FGF14: variants seen among roughly 807,000 people sequenced by gnomAD.
FGF14 encodes the protein fibroblast growth factor 14.
In FGF14, 5 loss-of-function variants were observed where a neutral mutation model predicts 25.5. That is an observed-to-expected ratio of 0.20 (90% CI 0.10 to 0.41). The LOEUF (loss-of-function observed/expected upper bound fraction) is 0.41, where lower values mean the gene tolerates loss of function less well. Ranked by LOEUF, FGF14 falls within the 10% of genes least tolerant of loss-of-function variation. The probability of loss-of-function intolerance (pLI) is 1.00; values close to 1 mark genes in which losing one functional copy is unlikely to be tolerated. For missense variants in FGF14, 222 were observed against 320.1 expected (o/e 0.69, Z 2.34); for synonymous variants, 138 against 118.3 (o/e 1.17, Z -1.08).
intron 1 of FGF14, among the ~76,000 whole-genome samples, chr13:102,254,601 T>C (rs1407360137): frequency 6.6e-6 from 1 of 152,198 alleles, no homozygotes; most frequent in African/African-American, 2.4e-5. Context: ...GTCCTCGTCG[T>C]TGGTACAGAT....
chr13:101,820,358 T>A (rs2042051618), intron 3 of FGF14, among the ~76,000 whole-genome samples: 1 of 152,112 alleles, frequency 6.6e-6, no homozygotes, highest in Non-Finnish European at 1.5e-5. Flanking sequence ...CAATTAAGAA[T>A]CATGGAAAAC....
At chr13:102,217,306 T>C (rs1270514761) in intron 1 of FGF14, among the ~76,000 whole-genome samples, 1 of 152,128 alleles carries the variant, frequency 6.6e-6, no homozygotes, top group African/African-American at 2.4e-5. Flanking sequence ...AGTAAAAAAA[T>C]AAACTACATG....
At chr13:101,806,576 GA>G (rs1276023735) in intron 3 of FGF14, among the ~76,000 whole-genome samples, 1 of 151,654 alleles carries the variant, frequency 6.6e-6, no homozygotes, top group East Asian at 1.9e-4. Flanking sequence ...ATAAATGTAA[GA>G]GTCAATGACA....
chr13:102,322,103 A>G (rs148975317), intron 1 of FGF14, among the ~76,000 whole-genome samples: 1 of 152,310 alleles, frequency 6.6e-6, no homozygotes, highest in Admixed American at 6.5e-5. Flanking sequence ...TGAAAAACTA[A>G]TGGGCTGGAG....
chr13:101,906,118 C>T (rs550375175), intron 1 of FGF14, among the ~76,000 whole-genome samples: 2 of 152,252 alleles, frequency 1.3e-5, no homozygotes, highest in South Asian at 4.2e-4. Context: ...ATATCCTTAT[C>T]CCTGTATTCA....
Position 102,172,251 on chromosome 13 carries a change from C to G in FGF14, c.208+229220G>C, listed in dbSNP as rs375231818. ...TTCTTACCAGTGATTTAAAACAACT[C>G]TATTCCACACAAATAAGCCAGCCTT... is the stretch of plus-strand genomic sequence containing the variant. On this transcript the variant is annotated intron_variant, in intron 1 of 4. Transcript: ENST00000376131. Among the ~76,000 whole-genome samples the G allele has an allele frequency of 1.8e-4, 27 of 152,192 alleles. No homozygotes were observed. The East Asian group carries it at 2.3e-3, about 13-fold the overall frequency.
intron 1 of FGF14, among the ~76,000 whole-genome samples, chr13:101,891,884 G>A (rs1240028512): frequency 6.6e-6 from 1 of 152,106 alleles, no homozygotes; most frequent in Non-Finnish European, 1.5e-5. Context: ...CAATCACAGA[G>A]AGAACTTCTG....
chr13:101,972,123 C>T (rs2037633595), intron 1 of FGF14, among the ~76,000 whole-genome samples: 1 of 152,218 alleles, frequency 6.6e-6, no homozygotes, highest in African/African-American at 2.4e-5. Flanking sequence ...ATGAATCAGA[C>T]TCAGTACAAT....
At chr13:102,257,005 G>A (rs147307493) in intron 1 of FGF14, among the ~76,000 whole-genome samples, 2 of 152,182 alleles carry the variant, frequency 1.3e-5, no homozygotes, top group Admixed American at 1.3e-4. Flanking sequence ...TCTGAATTTG[G>A]TGGCTTGTAT....
chr13:102,132,740 C>G (rs1028482480), intron 1 of FGF14, among the ~76,000 whole-genome samples: 3 of 152,024 alleles, frequency 2.0e-5, no homozygotes, highest in African/African-American at 7.2e-5. Context: ...AGGCTGGCCT[C>G]GAACTCCTGA....
At chr13:102,053,334 A>G (rs2042296273) in intron 1 of FGF14, among the ~76,000 whole-genome samples, 1 of 152,108 alleles carries the variant, frequency 6.6e-6, no homozygotes, top group South Asian at 2.1e-4. Flanking sequence ...CTTTAAGGAA[A>G]CACATGGACT....
chr13:101,836,035 CAGCAGAATAGTG>C (rs2042911606), intron 3 of FGF14, among the ~76,000 whole-genome samples: 2 of 151,950 alleles, frequency 1.3e-5, no homozygotes, highest in African/African-American at 2.4e-5. Context: ...TAGTGATAAG[CAGCAGAATAGTG>C]ACCTGGTGCA....
chr13:102,066,351 C>T (rs1269386669), intron 1 of FGF14, among the ~76,000 whole-genome samples: 1 of 152,104 alleles, frequency 6.6e-6, no homozygotes, highest in Non-Finnish European at 1.5e-5. Context: ...TATTGCTTTC[C>T]TGACATCTAA....
chr13:102,146,893 G>A (rs2046877032), intron 1 of FGF14, among the ~76,000 whole-genome samples: 1 of 152,116 alleles, frequency 6.6e-6, no homozygotes, highest in Non-Finnish European at 1.5e-5. Flanking sequence ...GGGCCCATGA[G>A]GGAAAAGAAT....
At chr13:102,197,845 C>T (rs981581632) in intron 1 of FGF14, among the ~76,000 whole-genome samples, 1 of 152,122 alleles carries the variant, frequency 6.6e-6, no homozygotes, top group African/African-American at 2.4e-5. Flanking sequence ...AGAATCAAAA[C>T]ACAGAAAAGC....
chr13:102,251,315 T>C (rs962228651), intron 1 of FGF14, among the ~76,000 whole-genome samples: 12 of 152,178 alleles, frequency 7.9e-5, no homozygotes, highest in African/African-American at 2.7e-4. Context: ...AATCCACCTG[T>C]CTGCTGCTGC....
chr13:101,763,086 TG>T lies in FGF14; in HGVS notation c.409-36277del, dbSNP rs68055831. On this transcript the variant is annotated intron_variant, in intron 3 of 4. Transcript: ENST00000376143. ...GCAAACATAGGGTTTGTTGGAAGTG[TG>T]TAGAATGCACAGAAGTAAGCAAATT... Among the ~76,000 whole-genome samples, 927 of 152,266 alleles carry T rather than the reference TG, an allele frequency of 6.1e-3. 8 individuals carry two copies. The highest frequency in any genetic ancestry group is 0.021 in the African/African-American group (893 of 41,548).
At chr13:101,815,072 A>G (rs554895204) in intron 3 of FGF14, among the ~76,000 whole-genome samples, 1 of 152,354 alleles carries the variant, frequency 6.6e-6, no homozygotes, top group South Asian at 2.1e-4. Flanking sequence ...ATCAAGTGGA[A>G]GAAAGAATGT....
intron 1 of FGF14, among the ~76,000 whole-genome samples, chr13:101,911,156 T>C (rs1200945352): frequency 6.6e-6 from 1 of 152,094 alleles, no homozygotes; most frequent in Non-Finnish European, 1.5e-5. Context: ...GGGAGGTTCT[T>C]GTTGGGTTTG....
Sources: allele counts gnomAD v4.1 joint callset (sites outside exome capture counted in the v4.1 genomes callset), GRCh38; gene constraint gnomAD v4.1.1; transcripts MANE v1.5; gene names NCBI Gene and HGNC (gene_info 2026-07-23, HGNC 2026-07-21).